The following MIGA1 variants were observed in gnomAD, a reference collection of about 807,000 sequenced individuals.
The protein encoded by MIGA1 is mitoguardin 1.
A neutral mutation model predicts 82.0 loss-of-function variants in MIGA1; 58 were observed. The observed-to-expected ratio is 0.71, with a 90% CI of 0.57 to 0.88. The LOEUF is 0.88. MIGA1 is among the 40% of genes least tolerant of loss of function. The probability of loss-of-function intolerance (pLI) is 0.00; values close to 1 mark genes in which losing one functional copy is unlikely to be tolerated. For synonymous variants in MIGA1, 249 were observed against 253.6 expected (o/e 0.98, Z 0.17); for missense variants, 751 against 749.1 (o/e 1.00, Z -0.03).
intron 1 of MIGA1, among the ~76,000 whole-genome samples, chr1:77,782,452 A>C (rs946664967): frequency 6.6e-6 from 1 of 152,086 alleles, no homozygotes; most frequent in Non-Finnish European, 1.5e-5. Flanking sequence ...TTATTTCTTT[A>C]TTATAAATAG....
Position 77,866,364 on chromosome 1 carries a change from G to T in MIGA1, c.1536G>T (p.Val512=). ...CTGTGGCTTCAAGTTGTTGGTCGGT[G>T]CTGAAACAGAAAAGACAACAGATGA... The change falls in exon 14 of 16, where the codon GTG becomes GTT. Residue 512 remains valine (V), a synonymous_variant. Transcript: ENST00000370791. 6.2e-7 allele frequency: 1 copy of T among 1,614,072 alleles called. No homozygotes were observed. The highest frequency in any genetic ancestry group is 1.1e-5 in the South Asian group (1 of 91,074).
chr1:77,835,534 G>C (rs1452951700), intron 7 of MIGA1, among the ~76,000 whole-genome samples: 1 of 152,144 alleles, frequency 6.6e-6, no homozygotes, highest in Non-Finnish European at 1.5e-5. Context: ...CCAGTTTGGG[G>C]AAAGCTTTTT....
intron 14 of MIGA1, chr1:77,868,487 A>G (rs1006594957): frequency 2.0e-4 from 30 of 152,256 alleles, no homozygotes; most frequent in Admixed American, 1.2e-3. Context: ...TTGGCCTCCC[A>G]AAGTGCTGGG....
intron 7 of MIGA1, among the ~76,000 whole-genome samples, chr1:77,817,501 G>A (rs1184765079): frequency 1.3e-5 from 2 of 152,176 alleles, no homozygotes; most frequent in Non-Finnish European, 2.9e-5. Flanking sequence ...GCTTTTCTCT[G>A]TAGCCGTCCA....
rs575684607 is a variant in MIGA1 at position 77,820,780 on chromosome 1, A to G, written c.895+5549A>G. Among the ~76,000 whole-genome samples, 3 of 152,256 alleles carry G rather than the reference A, an allele frequency of 2.0e-5. No individual in the cohort carries two copies. In the East Asian group the frequency reaches 5.8e-4, roughly 29 times the overall value. On this transcript the variant is annotated intron_variant, in intron 7 of 15. Coordinates refer to ENST00000370791, the MANE Select transcript of MIGA1 (RefSeq NM_198549.4). ...CTGTCCTTCTCAATGGGCCTTTGGG[A>G]GGAAAGAGAAGTACCTTCTTGAACT...
chr1:77,810,732 T>C (rs1683292917), intron 5 of MIGA1: 3 of 1,069,944 alleles, frequency 2.8e-6, no homozygotes, highest in Non-Finnish European at 4.0e-6. Flanking sequence ...TGCATTGGAC[T>C]CCGTCCGGCC....
chr1:77,843,366 T>C lies in MIGA1; in HGVS notation c.955T>C (p.Leu319=). 6.2e-7 allele frequency: 1 copy of C among 1,614,064 alleles called. No individual in the cohort carries two copies. The highest frequency in any genetic ancestry group is 8.5e-7 in the Non-Finnish European group (1 of 1,179,892). Reference sequence around the variant, plus strand: ...GGAAGACTTTGGCCTGCGAGACACCTTGAGCATCGCATCCACGGATTCCTT... The same window carrying C: ...GGAAGACTTTGGCCTGCGAGACACCCTGAGCATCGCATCCACGGATTCCTT... Residue 319 remains leucine (L), a synonymous_variant, in exon 8 of 16, where the codon TTG becomes CTG. Transcript: ENST00000370791.
Position 77,875,749 on chromosome 1 carries a change from A to G in MIGA1, c.*685A>G, listed in dbSNP as rs1032650447. 1 of 152,094 alleles carries G rather than the reference A, an allele frequency of 6.6e-6. No homozygotes were observed. Among genetic ancestry groups the G allele is most frequent in the Non-Finnish European group, 1.5e-5 (1 of 68,026 alleles). The allele number at this position is 152,094 out of a possible 1,614,324, so 9.4% of individuals were successfully genotyped here. A position where few individuals can be genotyped will look rare whatever the true frequency, so the allele number is the denominator to read the frequency against. On this transcript the variant is annotated 3_prime_UTR_variant, in exon 16 of 16. Transcript: ENST00000370791. ...CCAGGAGGTTGAGACTAGCCTGGAC[A>G]ACATAAGGAGATGCCTGTCTCTACA... is the stretch of plus-strand genomic sequence containing the variant.
At chr1:77,815,340 AAAAT>A (rs1683531620) in intron 7 of MIGA1, 109 bp downstream of exon 7, 3 of 905,406 alleles carry the variant, frequency 3.3e-6, no homozygotes, top group Non-Finnish European at 4.5e-6. Context: ...TACTTAAAAA[AAAAT>A]AAACTAGCCA....
At position 77,783,303 on chromosome 1, in the gene MIGA1, G is replaced by T. The variant is rs771508417; in HGVS notation, c.147G>T (p.Ala49=). 2 of 1,603,210 alleles carry T rather than the reference G, an allele frequency of 1.2e-6. No homozygotes were observed. The highest frequency in any genetic ancestry group is 1.7e-6 in the Non-Finnish European group (2 of 1,172,554). Residue 49 remains alanine (A), a synonymous_variant, in exon 2 of 16, where the codon GCG becomes GCT. Coordinates refer to ENST00000370791, the MANE Select transcript of MIGA1 (RefSeq NM_198549.4). ...CACAGTTTTCCTTGAAGACAGCAGC[G>T]CTAAGAGTGTTTGATCTTCCTCTGA...
At chr1:77,838,306 C>G (rs1684504029) in intron 7 of MIGA1, among the ~76,000 whole-genome samples, 1 of 152,058 alleles carries the variant, frequency 6.6e-6, no homozygotes, top group African/African-American at 2.4e-5. Flanking sequence ...TCCTGATGCT[C>G]AGGCTAATTA....
intron 8 of MIGA1, among the ~76,000 whole-genome samples, chr1:77,856,486 T>C (rs1336902081): frequency 6.6e-6 from 1 of 152,216 alleles, no homozygotes; most frequent in Non-Finnish European, 1.5e-5. Flanking sequence ...AGAATTCTCC[T>C]GTGAATCCAT....
rs1685368400 is a variant in MIGA1 at position 77,858,995 on chromosome 1, C to T, written c.1054C>T (p.Pro352Ser). The change falls in exon 9 of 16, where the codon CCA (proline) becomes TCA (serine). Residue 352 changes from proline (P) to serine (S), a missense_variant. Pro to Ser is a moderately conservative substitution (Grantham distance 74). Transcript: ENST00000370791. ...CAGCCTGGAGTCCCTTTGTCACTGC[C>T]CATTTTACGAGGAAGCCATGCATTT... The T allele has an allele frequency of 1.2e-5, 19 of 1,613,930 alleles. No homozygotes were observed. Among genetic ancestry groups the T allele is most frequent in the Non-Finnish European group, 1.6e-5 (19 of 1,179,894 alleles).
Position 77,875,213 on chromosome 1 carries a change from GTATT to G in MIGA1, c.*153_*156del. The G allele has an allele frequency of 1.6e-6, 1 of 636,166 alleles. No homozygotes were observed. Among genetic ancestry groups the G allele is most frequent in the Non-Finnish European group, 2.7e-6 (1 of 367,816 alleles). 39.4% of individuals were successfully genotyped at this position (636,166 alleles called of 1,614,324 possible). A position where few individuals can be genotyped will look rare whatever the true frequency, so the allele number is the denominator to read the frequency against. ...CTACTAAAAAATGAGCAACTGTACT[GTATT>G]TATACAGAAGTTCTGTCATTGAATT... On this transcript the variant is annotated 3_prime_UTR_variant, in exon 16 of 16. Transcript: ENST00000370791.
intron 5 of MIGA1, chr1:77,811,106 G>A: frequency 1.3e-6 from 2 of 1,593,306 alleles, no homozygotes; most frequent in Non-Finnish European, 1.7e-6. Flanking sequence ...TGCTTCTGGA[G>A]CTCAATGTCC....
intron 15 of MIGA1, 152 bp from the exon 16 acceptor site, chr1:77,874,694 C>T: frequency 3.2e-6 from 2 of 620,450 alleles, no homozygotes; most frequent in South Asian, 4.1e-5. Context: ...GGTTAAATCA[C>T]TTGTGCAAGG....
At chr1:77,807,874 A>T (rs116035764) in intron 5 of MIGA1, among the ~76,000 whole-genome samples, 1,905 of 152,018 alleles carry the variant, frequency 0.013, 39 homozygotes, top group African/African-American at 0.044. Flanking sequence ...GCTAGAGTGC[A>T]GTGGTGCAAC....
rs752410070 is a variant in MIGA1, at chr1:77,874,868, A to C, written c.1703A>C (p.Lys568Thr). The C allele has an allele frequency of 6.2e-7, 1 of 1,613,798 alleles. No individual in the cohort carries two copies. Among genetic ancestry groups the C allele is most frequent in the Non-Finnish European group, 8.5e-7 (1 of 1,179,834 alleles). ...CAGAATCAAGTTCTTTTATTTCTCAAAGACATTTTTGACTTTGAGAAGGTG... is the reference window on the plus strand; with the variant it reads ...CAGAATCAAGTTCTTTTATTTCTCACAGACATTTTTGACTTTGAGAAGGTG... The change falls in exon 16 of 16, where the codon AAA becomes ACA. Residue 568 changes from lysine to threonine, a missense_variant. Coordinates refer to ENST00000370791, the MANE Select transcript of MIGA1 (RefSeq NM_198549.4).
intron 2 of MIGA1, among the ~76,000 whole-genome samples, chr1:77,787,635 C>T (rs1039342638): frequency 7.2e-5 from 11 of 151,910 alleles, no homozygotes; most frequent in South Asian, 2.1e-4. Context: ...GTGATCTGCC[C>T]GCCTCCGCCT....
Sources: gnomAD v4.1 joint callset for allele counts (sites outside exome capture counted in the v4.1 genomes callset) on GRCh38, gnomAD v4.1.1 for gene constraint, MANE v1.5 for transcripts, NCBI Gene and HGNC (gene_info 2026-07-23, HGNC 2026-07-21) for gene names.